The following ROBO1 variants were observed in gnomAD, a reference collection of about 807,000 sequenced individuals.
The protein encoded by ROBO1 is roundabout homolog 1.
Under a neutral mutation model 195.9 loss-of-function variants are expected in ROBO1, and 149 were observed. The ratio of observed to expected loss-of-function variants is 0.76; its 90% CI spans 0.67 to 0.87. The LOEUF (loss-of-function observed/expected upper bound fraction) is 0.87, where lower values mean the gene tolerates loss of function less well. ROBO1 is among the 40% of genes least tolerant of loss of function. The pLI is 0.00. For synonymous variants in ROBO1, 816 were observed against 733.2 expected (o/e 1.11, Z -1.82); for missense variants, 1,933 against 2,068.3 (o/e 0.93, Z 1.27).
intron 2 of ROBO1, among the ~76,000 whole-genome samples, chr3:79,348,592 A>G (rs1474389032): frequency 6.6e-6 from 1 of 152,218 alleles, no homozygotes; most frequent in East Asian, 1.9e-4. Context: ...GATATGGAGA[A>G]GACATCCTAT....
intron 2 of ROBO1, among the ~76,000 whole-genome samples, chr3:79,525,710 A>G (rs888360598): frequency 5.3e-5 from 8 of 151,344 alleles, no homozygotes; most frequent in Non-Finnish European, 8.8e-5. Flanking sequence ...GGTTCAAGCA[A>G]TTCTCCTGCC....
chr3:79,687,646 A>C (rs1238734510), intron 1 of ROBO1, among the ~76,000 whole-genome samples: 5 of 152,206 alleles, frequency 3.3e-5, no homozygotes, highest in Non-Finnish European at 5.9e-5. Context: ...CCATCAAAGA[A>C]ATGCAAATCA....
intron 2 of ROBO1, among the ~76,000 whole-genome samples, chr3:79,235,000 T>C (rs2082383043): frequency 6.6e-6 from 1 of 151,988 alleles, no homozygotes; most frequent in African/African-American, 2.4e-5. Flanking sequence ...TGGAAAAAAA[T>C]ACAAGCAATA....
chr3:79,135,544 C>A (rs1285852385), intron 2 of ROBO1, among the ~76,000 whole-genome samples: 2 of 152,012 alleles, frequency 1.3e-5, no homozygotes, highest in African/African-American at 4.8e-5. Context: ...CATGAGATAT[C>A]ATATCTCTAA....
chr3:79,427,422 C>T (rs114758552), intron 2 of ROBO1, among the ~76,000 whole-genome samples: 5,230 of 152,252 alleles, frequency 0.034, 207 homozygotes, highest in African/African-American at 0.098. Flanking sequence ...AATGAAGAGG[C>T]AGGAGAACGT....
intron 2 of ROBO1, among the ~76,000 whole-genome samples, chr3:79,163,037 A>G (rs950649263): frequency 6.6e-6 from 1 of 152,104 alleles, no homozygotes; most frequent in Admixed American, 6.6e-5. Context: ...CATAAAATTT[A>G]CCATCTTACC....
intron 2 of ROBO1, among the ~76,000 whole-genome samples, chr3:79,164,246 GTC>G (rs1459462347): frequency 1.3e-5 from 2 of 152,070 alleles, no homozygotes; most frequent in African/African-American, 4.8e-5. Flanking sequence ...TCCCTACATA[GTC>G]TCTAATATCT....
rs2031359892 is a variant in ROBO1, at chr3:79,279,729, A to G, written c.89-154190T>C. 2.0e-5 allele frequency among the ~76,000 whole-genome samples: 3 copies of G among 152,220 alleles called. No individual in the cohort carries two copies. In the South Asian group the frequency reaches 6.2e-4, roughly 31 times the overall value. On this transcript the variant is annotated intron_variant, in intron 2 of 30. Coordinates refer to ENST00000464233, the MANE Select transcript of ROBO1 (RefSeq NM_002941.4). ...GTGCTGCAATAAACAAGGAGGAGGTAGAGATGACCATTCATTCTTCTGTGA... is the reference window on the plus strand; with the variant it reads ...GTGCTGCAATAAACAAGGAGGAGGTGGAGATGACCATTCATTCTTCTGTGA...
chr3:78,707,566 G>T (rs1369479783), intron 8 of ROBO1, among the ~76,000 whole-genome samples: 5 of 152,122 alleles, frequency 3.3e-5, no homozygotes, highest in Non-Finnish European at 7.3e-5. Context: ...TTAAAAGAAA[G>T]CTGATAAAGT....
intron 4 of ROBO1, among the ~76,000 whole-genome samples, chr3:78,859,817 G>A (rs376541239): frequency 7.2e-5 from 11 of 152,208 alleles, no homozygotes; most frequent in Middle Eastern, 3.4e-3. Flanking sequence ...GCAGGGGCTC[G>A]CGCCTATAAT....
At position 78,970,640 on chromosome 3, in the gene ROBO1, C is replaced by T. The variant is rs371406428; in HGVS notation, c.173-31713G>A. 2.0e-5 allele frequency among the ~76,000 whole-genome samples: 3 copies of T among 152,038 alleles called. No individual in the cohort carries two copies. The South Asian group carries it at 6.2e-4, about 32-fold the overall frequency. ...TAAAATAATCTATAACCTAAACTAA[C>T]CATAATAGTAGAATAATTAACTATT... On this transcript the variant is annotated intron_variant, in intron 3 of 30. Coordinates refer to ENST00000464233, the MANE Select transcript of ROBO1 (RefSeq NM_002941.4).
chr3:79,607,594 A>AT (rs1374614315), intron 1 of ROBO1, among the ~76,000 whole-genome samples: 1 of 89,942 alleles, frequency 1.1e-5, no homozygotes, highest in Non-Finnish European at 2.1e-5. Flanking sequence ...ACAAATTTGT[A>AT]TTTCCAAGTT....
chr3:79,330,293 A>ATATATAT (rs1296286117), intron 2 of ROBO1, among the ~76,000 whole-genome samples: 3 of 147,134 alleles, frequency 2.0e-5, no homozygotes, highest in African/African-American at 5.0e-5. Context: ...ATATATATAT[A>ATATATAT]AAGAATTTAT....
intron 1 of ROBO1, among the ~76,000 whole-genome samples, chr3:79,715,868 C>T (rs1702461156): frequency 6.6e-6 from 1 of 151,986 alleles, no homozygotes; most frequent in African/African-American, 2.4e-5. Context: ...AACTTGTCTT[C>T]TATAGGTATT....
chr3:79,613,133 G>GA (rs1944715651), intron 1 of ROBO1, among the ~76,000 whole-genome samples: 1 of 151,238 alleles, frequency 6.6e-6, no homozygotes, highest in Non-Finnish European at 1.5e-5. Context: ...AAAGGACTGG[G>GA]AAAGACTGAA....
chr3:78,677,051 C>T (rs977726150), intron 10 of ROBO1, among the ~76,000 whole-genome samples: 25 of 152,106 alleles, frequency 1.6e-4, no homozygotes, highest in Admixed American at 3.3e-4. Context: ...ATTTTCAACC[C>T]ACAATTTCAT....
intron 1 of ROBO1, among the ~76,000 whole-genome samples, chr3:79,675,039 T>C (rs1331568649): frequency 6.6e-6 from 1 of 151,960 alleles, no homozygotes; most frequent in Non-Finnish European, 1.5e-5. Flanking sequence ...ATTCCAAATA[T>C]GTTTACATCT....
At chr3:79,649,439 CTAA>C (rs1490187035) in intron 1 of ROBO1, among the ~76,000 whole-genome samples, 1 of 151,190 alleles carries the variant, frequency 6.6e-6, no homozygotes, top group African/African-American at 2.5e-5. Context: ...ACTACATTTT[CTAA>C]TAATAATTGA....
At chr3:79,662,481 C>G (rs1436549370) in intron 1 of ROBO1, among the ~76,000 whole-genome samples, 1 of 151,978 alleles carries the variant, frequency 6.6e-6, no homozygotes, top group African/African-American at 2.4e-5. Flanking sequence ...CTCAAAAGGA[C>G]AGGGAAGGGG....
Sources: allele counts gnomAD v4.1 joint callset (sites outside exome capture counted in the v4.1 genomes callset), GRCh38; gene constraint gnomAD v4.1.1; transcripts MANE v1.5; gene names NCBI Gene and HGNC (gene_info 2026-07-23, HGNC 2026-07-21).